UBE3C: variants seen among roughly 807,000 people sequenced by gnomAD.
UBE3C encodes ubiquitin protein ligase E3C, also known as ubiquitin-protein ligase E3C.
Under a neutral mutation model 129.4 loss-of-function variants are expected in UBE3C, and 42 were observed. The ratio of observed to expected loss-of-function variants is 0.32; its 90% confidence interval spans 0.25 to 0.42. The LOEUF (loss-of-function observed/expected upper bound fraction) is 0.42. UBE3C is among the 10% of genes least tolerant of loss of function. UBE3C has a pLI of 1.00. For missense variants in UBE3C, 1,049 were observed against 1,319.1 expected (o/e 0.80, Z 3.17); for synonymous variants, 510 against 492.4 (o/e 1.04, Z -0.47).
chr7:157,235,183 C>CT (rs1434956052), intron 18 of UBE3C, among the ~76,000 whole-genome samples: 2 of 152,090 alleles, frequency 1.3e-5, no homozygotes, highest in Non-Finnish European at 2.9e-5. Flanking sequence ...GAGCAAAACT[C>CT]TGTCTCAAAT....
chr7:157,260,859 C>G (rs1796884018), intron 22 of UBE3C, among the ~76,000 whole-genome samples: 1 of 152,174 alleles, frequency 6.6e-6, no homozygotes, highest in South Asian at 2.1e-4. Context: ...TGACAGCCAA[C>G]TAAAGAGCCA....
In UBE3C at chr7:157,161,880, T is replaced by A. The variant is rs1051096752; in HGVS notation, c.67-1930T>A. Among the ~76,000 whole-genome samples the A allele has an allele frequency of 5.9e-5, 9 of 152,040 alleles. No individual in the cohort carries two copies. The East Asian group carries it at 8.0e-4, about 13-fold the overall frequency. On this transcript the variant is annotated intron_variant, in intron 1 of 22. Coordinates refer to ENST00000348165, the MANE Select transcript of UBE3C (RefSeq NM_014671.3). Reference sequence around the variant, plus strand: ...TGAGGCCAGGAGTTCGAGACCAGCCTGGCCAATGTGGCGAAAACCCGTCTC... The same window carrying A: ...TGAGGCCAGGAGTTCGAGACCAGCCAGGCCAATGTGGCGAAAACCCGTCTC...
chr7:157,230,083 A>G (rs765772219), intron 17 of UBE3C, among the ~76,000 whole-genome samples: 2 of 150,296 alleles, frequency 1.3e-5, no homozygotes, highest in African/African-American at 2.5e-5. Context: ...TAGTTTTTAT[A>G]TTTTTAGTAG....
Position 157,139,155 on chromosome 7 carries a change from C to A in UBE3C, c.-118C>A. The stretch of plus-strand genomic sequence containing the variant: ...GGCTCGGGTCGCCTCCCGGCCGCCG[C>A]GTCCTCGCTGCCCCGGGCCGGGCGG... On this transcript the variant is annotated 5_prime_UTR_variant, in exon 1 of 23. Transcript: ENST00000348165. The A allele has an allele frequency of 3.2e-6, 2 of 631,620 alleles. No homozygotes were observed. Among genetic ancestry groups the A allele is most frequent in the Non-Finnish European group, 2.0e-6 (1 of 500,902 alleles). The allele number at this position is 631,620 out of a possible 1,614,324, so 39.1% of individuals were successfully genotyped here. A position where few individuals can be genotyped will look rare whatever the true frequency, so the allele number is the denominator to read the frequency against.
At chr7:157,168,992 G>A in intron 2 of UBE3C, 56 bp from the exon 3 acceptor site, 4 of 1,428,540 alleles carry the variant, frequency 2.8e-6, no homozygotes, top group Non-Finnish European at 3.9e-6. Flanking sequence ...CTAGCAAAAT[G>A]TCATTTTCAC....
chr7:157,176,484 A>G (rs559285622), intron 5 of UBE3C, among the ~76,000 whole-genome samples: 23 of 152,344 alleles, frequency 1.5e-4, no homozygotes, highest in African/African-American at 5.3e-4. Context: ...CATGTTGGCC[A>G]GGCTGGTCTC....
chr7:157,186,408 A>G (rs1458177890), intron 9 of UBE3C, among the ~76,000 whole-genome samples: 2 of 145,340 alleles, frequency 1.4e-5, no homozygotes, highest in Non-Finnish European at 3.1e-5. Context: ...ACAGAGCAAG[A>G]CTGTCTCAAA....
chr7:157,167,354 G>A (rs894263954), intron 2 of UBE3C, among the ~76,000 whole-genome samples: 4 of 152,168 alleles, frequency 2.6e-5, no homozygotes, highest in Admixed American at 2.0e-4. Context: ...TAGAAGACAT[G>A]AAACAAGGTA....
intron 18 of UBE3C, among the ~76,000 whole-genome samples, chr7:157,237,080 C>T (rs1451498609): frequency 6.6e-5 from 10 of 152,160 alleles, no homozygotes; most frequent in African/African-American, 1.9e-4. Context: ...CCATGAAATA[C>T]AAGTGGTTTA....
Position 157,197,610 on chromosome 7 carries a change from T to G in UBE3C, c.1332-4111T>G, listed in dbSNP as rs1382201644. The G allele has an allele frequency of 8.7e-6, 14 of 1,603,854 alleles. No individual in the cohort carries two copies. The Admixed American group carries it at 2.3e-4, about 27-fold the overall frequency. On this transcript the variant is annotated intron_variant, in intron 10 of 22. Coordinates refer to ENST00000348165, the MANE Select transcript of UBE3C (RefSeq NM_014671.3). ...TGGATAGGAACAATATTATTTTAGTTGATGGAGTAACACAGTGTTAAGAAT... is the reference window on the plus strand; with the variant it reads ...TGGATAGGAACAATATTATTTTAGTGGATGGAGTAACACAGTGTTAAGAAT...
At chr7:157,170,163 A>G in intron 3 of UBE3C, 141 bp from the exon 4 acceptor site, 1 of 726,808 alleles carries the variant, frequency 1.4e-6, no homozygotes, top group East Asian at 3.1e-5. Flanking sequence ...TCTACAATTC[A>G]ACTGTGAGCA....
intron 1 of UBE3C, among the ~76,000 whole-genome samples, chr7:157,147,865 G>A (rs1389863132): frequency 1.3e-5 from 2 of 152,154 alleles, no homozygotes; most frequent in South Asian, 2.1e-4. Context: ...TATTGAGCCC[G>A]TCTTGCGTAT....
intron 10 of UBE3C, among the ~76,000 whole-genome samples, chr7:157,195,708 G>T (rs1464151154): frequency 6.6e-6 from 1 of 152,150 alleles, no homozygotes; most frequent in Non-Finnish European, 1.5e-5. Flanking sequence ...AATTTAGATG[G>T]CTTTAGTGTG....
intron 10 of UBE3C, chr7:157,192,554 G>C: frequency 1.3e-6 from 1 of 765,074 alleles, no homozygotes; most frequent in Non-Finnish European, 2.4e-6. Flanking sequence ...ACATTCAAAA[G>C]GAGCTTACTC....
intron 1 of UBE3C, among the ~76,000 whole-genome samples, chr7:157,144,675 G>A (rs1807555363): frequency 7.2e-6 from 1 of 139,072 alleles, no homozygotes; most frequent in Admixed American, 7.2e-5. Context: ...TTTAATGTTT[G>A]TCCAGTGCTT....
intron 11 of UBE3C, among the ~76,000 whole-genome samples, chr7:157,207,095 C>T (rs2117005941): frequency 6.6e-6 from 1 of 152,102 alleles, no homozygotes; most frequent in South Asian, 2.1e-4. Context: ...CTTATTAGAG[C>T]TCTTCTTAGG....
At chr7:157,178,905 G>A (rs569312639) in intron 6 of UBE3C, 58 bp downstream of exon 6, 1 of 1,582,274 alleles carries the variant, frequency 6.3e-7, no homozygotes, top group South Asian at 1.1e-5. Flanking sequence ...AGTGAGCAGA[G>A]GCCAGCCTGC....
At chr7:157,193,061 C>T (rs13221911) in intron 10 of UBE3C, among the ~76,000 whole-genome samples, 9,648 of 152,158 alleles carry the variant, frequency 0.063, 317 homozygotes, top group South Asian at 0.077. Flanking sequence ...GGAATGCTAG[C>T]GCGCCTGAGT....
chr7:157,140,900 C>G (rs141618918), intron 1 of UBE3C, among the ~76,000 whole-genome samples: 1 of 152,162 alleles, frequency 6.6e-6, no homozygotes, highest in South Asian at 2.1e-4. Flanking sequence ...AAGATACAGT[C>G]AGGTTCACAA....
Sources: gnomAD v4.1 joint callset for allele counts (sites outside exome capture counted in the v4.1 genomes callset) on GRCh38, gnomAD v4.1.1 for gene constraint, MANE v1.5 for transcripts, NCBI Gene and HGNC (gene_info 2026-07-23, HGNC 2026-07-21) for gene names.